DSCAM: variants seen among roughly 807,000 people sequenced by gnomAD.
The protein encoded by DSCAM is cell adhesion molecule DSCAM.
Under a neutral mutation model 217.7 loss-of-function variants are expected in DSCAM, and 47 were observed. The observed-to-expected ratio is 0.22, with a 90% confidence interval of 0.17 to 0.28. DSCAM has a LOEUF of 0.28. DSCAM is among the 10% of genes least tolerant of loss of function. The pLI is 1.00. For missense variants in DSCAM, 2,080 were observed against 2,618.3 expected, an observed-to-expected ratio of 0.79 and a Z score of 4.49; for synonymous variants, 1,056 against 1,015.3, an observed-to-expected ratio of 1.04 and a Z score of -0.76.
chr21:40,703,211 A>T (rs1182872773), intron 2 of DSCAM, among the ~76,000 whole-genome samples: 2 of 152,098 alleles, frequency 1.3e-5, no homozygotes, highest in East Asian at 3.9e-4. Context: ...TGTCTGAGAA[A>T]GCCTTCATCT....
At chr21:40,259,534 C>A (rs1045766597) in intron 11 of DSCAM, among the ~76,000 whole-genome samples, 1 of 151,992 alleles carries the variant, frequency 6.6e-6, no homozygotes, top group Non-Finnish European at 1.5e-5. Flanking sequence ...TGTAAAGAGG[C>A]GATGCATCTG....
chr21:40,363,252 C>T (rs373950796), intron 4 of DSCAM, among the ~76,000 whole-genome samples: 45 of 116,088 alleles, frequency 3.9e-4, no homozygotes, highest in Admixed American at 6.9e-4. Flanking sequence ...TTTTTGTGTT[C>T]TTTTTTTTTT....
chr21:40,633,555 T>A (rs1275723403), intron 3 of DSCAM, among the ~76,000 whole-genome samples: 1 of 152,248 alleles, frequency 6.6e-6, no homozygotes, highest in Non-Finnish European at 1.5e-5. Context: ...AAAGAATGTG[T>A]TAACTTCAAT....
Position 40,216,677 on chromosome 21 carries a change from G to A in DSCAM, c.2357-27439C>T, listed in dbSNP as rs745673729. 6.6e-4 allele frequency among the ~76,000 whole-genome samples: 100 copies of A among 152,168 alleles called. 1 individual carries two copies. The highest frequency in any genetic ancestry group is 1.3e-4 in the Admixed American group (2 of 15,274). On this transcript the variant is annotated intron_variant, in intron 11 of 32. Coordinates refer to ENST00000400454, the MANE Select transcript of DSCAM (RefSeq NM_001389.5). ...AATATCACTTAAATTGTTCATCATA[G>A]AGCAGATTTTGCACCTGGCAGATGA...
chr21:40,350,803 G>C (rs2074621309), intron 5 of DSCAM, among the ~76,000 whole-genome samples: 1 of 150,350 alleles, frequency 6.7e-6, no homozygotes, highest in Admixed American at 6.6e-5. Context: ...ATGCAACAGA[G>C]AGTCCCTGAG....
chr21:40,828,680 C>T (rs1219263101), intron 1 of DSCAM, among the ~76,000 whole-genome samples: 1 of 129,224 alleles, frequency 7.7e-6, no homozygotes, highest in Non-Finnish European at 1.6e-5. Flanking sequence ...TTTTTTGAGA[C>T]AGTCTCACTC....
intron 1 of DSCAM, among the ~76,000 whole-genome samples, chr21:40,807,143 AT>A (rs935437118): frequency 6.9e-6 from 1 of 145,060 alleles, no homozygotes; most frequent in Non-Finnish European, 1.5e-5. Flanking sequence ...CAATCAATCA[AT>A]AAGTGTTTCA....
At chr21:40,086,792 A>G (rs1001368226) in intron 22 of DSCAM, among the ~76,000 whole-genome samples, 1 of 152,198 alleles carries the variant, frequency 6.6e-6, no homozygotes, top group Non-Finnish European at 1.5e-5. Flanking sequence ...TTAGTTCACT[A>G]TCTTTAAAGA....
chr21:40,133,804 A>G (rs746964042), intron 19 of DSCAM, 50 bp downstream of exon 19: 4 of 1,554,316 alleles, frequency 2.6e-6, no homozygotes, highest in Non-Finnish European at 2.6e-6. Flanking sequence ...GCTCTCTGTG[A>G]CCCAGCCCTT....
intron 3 of DSCAM, among the ~76,000 whole-genome samples, chr21:40,531,004 T>C (rs1377555762): frequency 6.6e-6 from 1 of 152,094 alleles, no homozygotes; most frequent in Admixed American, 6.5e-5. Context: ...TCGACTGAAC[T>C]ATGTACAAGG....
chr21:40,369,290 C>T, intron 3 of DSCAM, 45 bp from the exon 4 acceptor site: 1 of 1,567,982 alleles, frequency 6.4e-7, no homozygotes, highest in Non-Finnish European at 8.6e-7. Flanking sequence ...ACAATGAAAG[C>T]AACCCAACCA....
chr21:40,643,671 A>G (rs1028108781), intron 3 of DSCAM, among the ~76,000 whole-genome samples: 1 of 152,202 alleles, frequency 6.6e-6, no homozygotes, highest in Non-Finnish European at 1.5e-5. Flanking sequence ...ATTTGTAGAC[A>G]GAGTCTTCAA....
chr21:40,081,123 C>T (rs1274574948), intron 24 of DSCAM, among the ~76,000 whole-genome samples: 1 of 152,164 alleles, frequency 6.6e-6, no homozygotes, highest in African/African-American at 2.4e-5. Flanking sequence ...GGATGCAGAT[C>T]CTGCAGTCAG....
At chr21:40,357,969 C>A (rs1351163134) in intron 4 of DSCAM, among the ~76,000 whole-genome samples, 1 of 152,022 alleles carries the variant, frequency 6.6e-6, no homozygotes, top group African/African-American at 2.4e-5. Flanking sequence ...TTAGAAAGTA[C>A]TATGAAAAAA....
chr21:40,027,038 T>C (rs1217696783), intron 32 of DSCAM, among the ~76,000 whole-genome samples: 1 of 152,310 alleles, frequency 6.6e-6, no homozygotes, highest in African/African-American at 2.4e-5. Context: ...CCATGTTTAG[T>C]GCTTCCTTCA....
chr21:40,506,360 T>C (rs1568860831), intron 3 of DSCAM, among the ~76,000 whole-genome samples: 1 of 152,202 alleles, frequency 6.6e-6, no homozygotes, highest in Non-Finnish European at 1.5e-5. Flanking sequence ...GGGACGTCCA[T>C]GATGAACATG....
intron 3 of DSCAM, among the ~76,000 whole-genome samples, chr21:40,526,741 A>G (rs867897657): frequency 7.2e-5 from 11 of 152,254 alleles, no homozygotes; most frequent in Non-Finnish European, 1.0e-4. Context: ...TTCACAGTAT[A>G]TACATATATC....
intron 11 of DSCAM, among the ~76,000 whole-genome samples, chr21:40,246,879 T>G (rs1340456494): frequency 6.6e-6 from 1 of 152,032 alleles, no homozygotes; most frequent in Non-Finnish European, 1.5e-5. Flanking sequence ...TATTAGTCCA[T>G]TTTCACACTG....
intron 20 of DSCAM, among the ~76,000 whole-genome samples, chr21:40,110,347 C>A (rs1485195919): frequency 6.6e-6 from 1 of 152,208 alleles, no homozygotes; most frequent in Non-Finnish European, 1.5e-5. Flanking sequence ...AGACCTTCAC[C>A]TGAGGGTCCT....
Sources: allele counts gnomAD v4.1 joint callset (sites outside exome capture counted in the v4.1 genomes callset), GRCh38; gene constraint gnomAD v4.1.1; transcripts MANE v1.5; gene names NCBI Gene and HGNC (gene_info 2026-07-23, HGNC 2026-07-21).